Variants in NEMF observed in about 807,000 individuals in gnomAD.
NEMF encodes nuclear export mediator factor.
Under a neutral mutation model 162.2 loss-of-function variants are expected in NEMF, and 89 were observed. That is an observed-to-expected ratio of 0.55 (90% CI 0.46 to 0.65). NEMF has a LOEUF of 0.65. Among genes scored for constraint, NEMF ranks in the 30% least tolerant of loss-of-function variants. NEMF has a pLI of 0.00. For synonymous variants in NEMF, 421 were observed against 404.5 expected, an observed-to-expected ratio of 1.04 and a Z score of -0.49; for missense variants, 1,133 against 1,261.9, an observed-to-expected ratio of 0.90 and a Z score of 1.55.
At chr14:49,821,109 C>T (rs1256809751) in intron 16 of NEMF, among the ~76,000 whole-genome samples, 1 of 14,132 alleles carries the variant, frequency 7.1e-5, no homozygotes, top group African/African-American at 7.6e-5. Flanking sequence ...CGTCTCTGCC[C>T]GGCCGCCCCG....
At chr14:49,815,036 A>T (rs2139906818) in intron 16 of NEMF, among the ~76,000 whole-genome samples, 179 bp from the exon 17 acceptor site, 1 of 152,304 alleles carries the variant, frequency 6.6e-6, no homozygotes, top group East Asian at 1.9e-4. Flanking sequence ...GATATTCTTT[A>T]GACAGTCTTA....
chr14:49,800,476 T>C lies in NEMF; in HGVS notation c.2316A>G (p.Glu772=). 1.2e-6 allele frequency: 2 copies of C among 1,613,650 alleles called. No homozygotes were observed. Among genetic ancestry groups the C allele is most frequent in the South Asian group, 1.1e-5 (1 of 91,072 alleles). Residue 772 remains glutamate, a synonymous_variant, in exon 23 of 33, where the codon GAA becomes GAG. Coordinates refer to ENST00000298310, the MANE Select transcript of NEMF (RefSeq NM_004713.6). ...DSVGEMKDEG[E]ETLNYPDTTI... ...TAGTATCAGGATAATTTAATGTCTC[T>C]TCCCCTTCATCCTTCATTTCACCAA...
chr14:49,832,090 A>T lies in NEMF; in HGVS notation c.843T>A (p.His281Gln). 1 of 1,607,522 alleles carries T rather than the reference A, an allele frequency of 6.2e-7. No homozygotes were observed. The highest frequency in any genetic ancestry group is 8.5e-7 in the Non-Finnish European group (1 of 1,177,930). ...CAAATTCTATATATGGACATTGTGA[A>T]TGTTGAGAAAACAAGAAAGGATGAA... Reference protein sequence around the residue: ...EEFHPFLFSQHSQCPYIEFES... With the variant: ...EEFHPFLFSQQSQCPYIEFES... The change falls in exon 10 of 33, where the codon CAT (histidine) becomes CAA (glutamine). Residue 281 changes from histidine to glutamine, a missense_variant. His to Gln is a conservative substitution (Grantham distance 24). Coordinates refer to ENST00000298310, the MANE Select transcript of NEMF (RefSeq NM_004713.6).
At chr14:49,834,779 T>C (rs930137172) in intron 6 of NEMF, among the ~76,000 whole-genome samples, 2 of 152,348 alleles carry the variant, frequency 1.3e-5, no homozygotes, top group African/African-American at 4.8e-5. Flanking sequence ...CACCATGACC[T>C]AGCCTAAAAT....
At chr14:49,828,455 C>A in intron 14 of NEMF, 101 bp from the exon 15 acceptor site, 1 of 979,322 alleles carries the variant, frequency 1.0e-6, no homozygotes, top group South Asian at 1.5e-5. Flanking sequence ...CAGAACAAAT[C>A]AGAACAAACT....
At chr14:49,845,928 C>A (rs1043445903) in intron 4 of NEMF, 3 of 553,738 alleles carry the variant, frequency 5.4e-6, no homozygotes, top group African/African-American at 1.9e-5. Flanking sequence ...TAAGGCTATT[C>A]TAAATGGCTA....
chr14:49,841,223 T>C (rs376647565), intron 4 of NEMF, among the ~76,000 whole-genome samples: 2 of 99,678 alleles, frequency 2.0e-5, no homozygotes, highest in East Asian at 5.8e-4. Context: ...AAAAAGGAAA[T>C]AAAAAAACAA....
At chr14:49,799,169 T>C (rs1890830297) in intron 25 of NEMF, among the ~76,000 whole-genome samples, 2 of 114,744 alleles carry the variant, frequency 1.7e-5, no homozygotes, top group South Asian at 2.9e-4. Context: ...GACTGCGCCA[T>C]AGCACTCTAG....
In NEMF at chr14:49,784,547, G is replaced by A. The variant is rs1200764974; in HGVS notation, c.*89C>T. ...AATGTTTAGTTCATTTTTATAATGC[G>A]GAAATCCTGATACATGGTGCTTTCA... On this transcript the variant is annotated 3_prime_UTR_variant, in exon 33 of 33. Transcript: ENST00000298310. 1.5e-5 allele frequency: 13 copies of A among 867,236 alleles called. 1 individual carries two copies. Among genetic ancestry groups the A allele is most frequent in the South Asian group, 6.3e-5 (4 of 63,050 alleles). 53.7% of individuals were successfully genotyped at this position (867,236 alleles called of 1,614,324 possible). A position where few individuals can be genotyped will look rare whatever the true frequency, so the allele number is the denominator to read the frequency against.
intron 25 of NEMF, chr14:49,796,227 G>A (rs779802212): frequency 2.0e-6 from 1 of 508,628 alleles, no homozygotes; most frequent in South Asian, 1.5e-5. Flanking sequence ...TTTTGCCCCT[G>A]ATCACCTTGA....
chr14:49,809,560 T>C (rs1413438187), intron 18 of NEMF, among the ~76,000 whole-genome samples: 2 of 152,174 alleles, frequency 1.3e-5, no homozygotes, highest in Non-Finnish European at 2.9e-5. Context: ...TCAAAGACTA[T>C]ATACATCAAG....
At chr14:49,823,929 G>C (rs1428337332) in intron 16 of NEMF, among the ~76,000 whole-genome samples, 1 of 152,214 alleles carries the variant, frequency 6.6e-6, no homozygotes. Flanking sequence ...AGCATTTTGG[G>C]AGGCTGAGGC....
chr14:49,851,889 G>A lies in NEMF; in HGVS notation c.60-14C>T, dbSNP rs780689970. The A allele has an allele frequency of 9.9e-6, 15 of 1,508,302 alleles. No individual in the cohort carries two copies. Among genetic ancestry groups the A allele is most frequent in the Non-Finnish European group, 1.3e-5 (14 of 1,101,314 alleles). 93.4% of individuals were successfully genotyped at this position (1,508,302 alleles called of 1,614,324 possible). On this transcript the variant is annotated splice_polypyrimidine_tract_variant and intron_variant, in intron 1 of 32. Coordinates refer to ENST00000298310, the MANE Select transcript of NEMF (RefSeq NM_004713.6). The stretch of plus-strand genomic sequence containing the variant: ...ATTCCTAGCAAGCTGCAAAGATAAA[G>A]GAAACATGTAACATGTTACACTATT...
chr14:49,783,860 T>C lies in NEMF; in HGVS notation c.*776A>G, dbSNP rs1360994825. 6.6e-6 allele frequency: 1 copy of C among 152,162 alleles called. No individual in the cohort carries two copies. The highest frequency in any genetic ancestry group is 1.9e-4 in the East Asian group (1 of 5,206). The allele number at this position is 152,162 out of a possible 1,614,324, so 9.4% of individuals were successfully genotyped here. A position where few individuals can be genotyped will look rare whatever the true frequency, so the allele number is the denominator to read the frequency against. On this transcript the variant is annotated 3_prime_UTR_variant, in exon 33 of 33. Coordinates refer to ENST00000298310, the MANE Select transcript of NEMF (RefSeq NM_004713.6). ...TTTTACATTTTGGTCTAATATTTTT[T>C]TCTGACAAGTATCAATGAAAGCAGA...
chr14:49,834,216 A>T (rs747719645), intron 7 of NEMF, 147 bp downstream of exon 7: 1 of 619,412 alleles, frequency 1.6e-6, no homozygotes, highest in Non-Finnish European at 2.9e-6. Context: ...TTAGCCTCCC[A>T]AAGTGCTGGG....
chr14:49,839,572 T>A (rs1893089877), intron 5 of NEMF: 1 of 152,228 alleles, frequency 6.6e-6, no homozygotes, highest in African/African-American at 2.4e-5. Flanking sequence ...TCACCGAACT[T>A]CCCTTTTTCT....
At chr14:49,837,443 G>C (rs1348680366) in intron 6 of NEMF, among the ~76,000 whole-genome samples, 1 of 151,940 alleles carries the variant, frequency 6.6e-6, no homozygotes, top group Non-Finnish European at 1.5e-5. Context: ...CTTGAGCTCG[G>C]AGTTTGAGAC....
intron 29 of NEMF, chr14:49,786,396 T>G: frequency 3.6e-6 from 1 of 274,768 alleles, no homozygotes; most frequent in South Asian, 6.7e-5. Flanking sequence ...TGCTTGGTGC[T>G]GAAGTATAAT....
At position 49,783,205 on chromosome 14, in the gene NEMF, T is replaced by C. The variant is rs553643290; in HGVS notation, c.*1431A>G. The C allele has an allele frequency of 4.2e-5, 13 of 305,960 alleles. No homozygotes were observed. Among genetic ancestry groups the C allele is most frequent in the Non-Finnish European group, 7.7e-5 (13 of 168,064 alleles). 19.0% of individuals were successfully genotyped at this position (305,960 alleles called of 1,614,324 possible). A position where few individuals can be genotyped will look rare whatever the true frequency, so the allele number is the denominator to read the frequency against. On this transcript the variant is annotated 3_prime_UTR_variant, in exon 33 of 33. Transcript: ENST00000298310. ...TACCCTGAAGAATGGTTGCTACATTTTCTTTTCAGTAACTTCAGGATATGT... is the reference window on the plus strand; with the variant it reads ...TACCCTGAAGAATGGTTGCTACATTCTCTTTTCAGTAACTTCAGGATATGT...
Sources: gnomAD v4.1 joint callset for allele counts (sites outside exome capture counted in the v4.1 genomes callset) on GRCh38, gnomAD v4.1.1 for gene constraint, MANE v1.5 for transcripts, NCBI Gene and HGNC (gene_info 2026-07-23, HGNC 2026-07-21) for gene names.